Variants in DHX15 observed in about 807,000 individuals in gnomAD.
DHX15 encodes the protein DEAH-box helicase 15.
A neutral mutation model predicts 94.4 loss-of-function variants in DHX15; 11 were observed. The ratio of observed to expected loss-of-function variants is 0.12; its 90% CI spans 0.07 to 0.19. DHX15 has a LOEUF of 0.19. Ranked by LOEUF, DHX15 falls within the 10% of genes least tolerant of loss-of-function variation. The pLI is 1.00. For synonymous variants in DHX15, 338 were observed against 329.9 expected (o/e 1.02, Z -0.27); for missense variants, 304 against 988.5 (o/e 0.31, Z 9.29).
intron 1 of DHX15, among the ~76,000 whole-genome samples, chr4:24,578,362 T>G (rs1722322325): frequency 6.6e-6 from 1 of 152,180 alleles, no homozygotes; most frequent in Non-Finnish European, 1.5e-5. Flanking sequence ...TAGTTTATAA[T>G]AAGAGTACAC....
At chr4:24,553,269 C>T (rs985576553) in intron 5 of DHX15, among the ~76,000 whole-genome samples, 1 of 151,894 alleles carries the variant, frequency 6.6e-6, no homozygotes, top group East Asian at 1.9e-4. Context: ...TGCGGTGAGC[C>T]GAGATCGCGC....
chr4:24,583,257 T>C (rs1722509625), intron 1 of DHX15, among the ~76,000 whole-genome samples: 1 of 152,072 alleles, frequency 6.6e-6, no homozygotes. Context: ...GGACAAGAAA[T>C]GATTTTCACG....
At chr4:24,569,946 T>C (rs554360726) in intron 3 of DHX15, among the ~76,000 whole-genome samples, 1 of 152,258 alleles carries the variant, frequency 6.6e-6, no homozygotes, top group South Asian at 2.1e-4. Flanking sequence ...CTCAAACAAG[T>C]CACATTTAAA....
At chr4:24,559,337 A>G (rs1336760043) in intron 3 of DHX15, among the ~76,000 whole-genome samples, 1 of 151,094 alleles carries the variant, frequency 6.6e-6, no homozygotes, top group East Asian at 1.9e-4. Context: ...TCTGACCTTC[A>G]GAATTGTGAG....
intron 2 of DHX15, 100 bp downstream of exon 2, chr4:24,576,143 C>G (rs1722262763): frequency 1.1e-6 from 1 of 923,582 alleles, no homozygotes; most frequent in Non-Finnish European, 1.7e-6. Flanking sequence ...TCAAGATGTT[C>G]TATAGGACAG....
intron 2 of DHX15, among the ~76,000 whole-genome samples, chr4:24,572,795 C>A (rs1275832021): frequency 6.6e-6 from 1 of 152,154 alleles, no homozygotes; most frequent in East Asian, 1.9e-4. Flanking sequence ...CAGGCAATAG[C>A]TGGAGAACCA....
At chr4:24,542,348 G>A (rs770924070) in intron 7 of DHX15, among the ~76,000 whole-genome samples, 5 of 152,048 alleles carry the variant, frequency 3.3e-5, no homozygotes, top group South Asian at 2.1e-4. Flanking sequence ...GATTCTGCCC[G>A]AAAAGAAACC....
At chr4:24,571,093 A>G (rs950542531) in intron 2 of DHX15, among the ~76,000 whole-genome samples, 8 of 152,222 alleles carry the variant, frequency 5.3e-5, no homozygotes, top group African/African-American at 1.9e-4. Flanking sequence ...CGACAGTGTG[A>G]CTATCCCATC....
intron 3 of DHX15, among the ~76,000 whole-genome samples, chr4:24,558,679 AC>A (rs1427725179): frequency 6.6e-6 from 1 of 152,176 alleles, no homozygotes; most frequent in African/African-American, 2.4e-5. Context: ...GCACTTAATT[AC>A]TTCTTGCATC....
chr4:24,553,419 C>T (rs567473597), intron 5 of DHX15, among the ~76,000 whole-genome samples: 17 of 152,164 alleles, frequency 1.1e-4, no homozygotes, highest in Admixed American at 2.6e-4. Flanking sequence ...GAGGACAAAA[C>T]GATTATCCCA....
chr4:24,574,636 T>C (rs1461145393), intron 2 of DHX15, among the ~76,000 whole-genome samples: 3 of 152,104 alleles, frequency 2.0e-5, no homozygotes, highest in Non-Finnish European at 4.4e-5. Context: ...CCCACCAAAA[T>C]CCATAATCCA....
chr4:24,543,576 G>A (rs1370701658), intron 6 of DHX15, among the ~76,000 whole-genome samples: 2 of 152,078 alleles, frequency 1.3e-5, no homozygotes, highest in Non-Finnish European at 2.9e-5. Context: ...GTAAGTGCAT[G>A]GTCTCAACGG....
At chr4:24,551,002 T>C (rs1226272157) in intron 5 of DHX15, among the ~76,000 whole-genome samples, 1 of 152,200 alleles carries the variant, frequency 6.6e-6, no homozygotes, top group Non-Finnish European at 1.5e-5. Flanking sequence ...ACCACAGCTA[T>C]CTGAGAAGTT....
At chr4:24,582,021 TG>T (rs1722427397) in intron 1 of DHX15, among the ~76,000 whole-genome samples, 1 of 152,146 alleles carries the variant, frequency 6.6e-6, no homozygotes, top group Non-Finnish European at 1.5e-5. Flanking sequence ...CAGTGGAGTT[TG>T]TAAGACTGAC....
chr4:24,531,391 T>C (rs1721082233), intron 12 of DHX15, among the ~76,000 whole-genome samples: 1 of 150,800 alleles, frequency 6.6e-6, no homozygotes, highest in African/African-American at 2.5e-5. Flanking sequence ...CCCGGCCAGT[T>C]TTTTTCTGAA....
intron 3 of DHX15, among the ~76,000 whole-genome samples, chr4:24,567,116 G>A (rs1381456725): frequency 3.3e-5 from 5 of 151,804 alleles, no homozygotes; most frequent in South Asian, 4.1e-4. Flanking sequence ...TACAGCTTAC[G>A]AAAAAATAAA....
chr4:24,540,993 C>A, intron 8 of DHX15, 45 bp from the exon 9 acceptor site: 1 of 1,260,586 alleles, frequency 7.9e-7, no homozygotes, highest in South Asian at 1.3e-5. Context: ...AAAAATGCCT[C>A]AGTCTCCTCG....
chr4:24,537,240 G>A lies in DHX15; in HGVS notation c.1787-67C>T, dbSNP rs557848523. 3 of 1,602,056 alleles carry A rather than the reference G, an allele frequency of 1.9e-6. No individual in the cohort carries two copies. In the South Asian group the frequency reaches 3.3e-5, roughly 18 times the overall value. ...GATGAGTCACGCATTCACAGATAGA[G>A]GAACAAGGCCTAGCTAGGTCAGTTC... is the stretch of plus-strand genomic sequence containing the variant. On this transcript the variant is annotated intron_variant, in intron 10 of 13. Coordinates refer to ENST00000336812, the MANE Select transcript of DHX15 (RefSeq NM_001358.3). The surrounding 1 kb of genome is among the most constrained non-coding windows in gnomAD (Gnocchi z 4.7).
chr4:24,532,533 T>C (rs1721105994), intron 12 of DHX15, among the ~76,000 whole-genome samples: 1 of 152,242 alleles, frequency 6.6e-6, no homozygotes. Flanking sequence ...AATATTCACA[T>C]TCCTGAAGAA....
Sources: gnomAD v4.1 joint callset for allele counts (sites outside exome capture counted in the v4.1 genomes callset) on GRCh38, gnomAD v4.1.1 for gene constraint, Gnocchi (gnomAD v3.1) non-coding constraint, MANE v1.5 for transcripts, NCBI Gene and HGNC (gene_info 2026-07-23, HGNC 2026-07-21) for gene names.